The following ST6GALNAC5 variants were observed in gnomAD, a reference collection of about 807,000 sequenced individuals.
The protein encoded by ST6GALNAC5 is alpha-N-acetylgalactosaminide alpha-2,6-sialyltransferase 5.
Under a neutral mutation model 33.6 loss-of-function variants are expected in ST6GALNAC5, and 27 were observed. That is an observed-to-expected ratio of 0.80 (90% CI 0.59 to 1.11). ST6GALNAC5 has a LOEUF of 1.11. Ranked by LOEUF, ST6GALNAC5 falls within the 50% of genes least tolerant of loss-of-function variation. ST6GALNAC5 has a pLI of 0.00. For synonymous variants in ST6GALNAC5, 194 were observed against 171.2 expected (o/e 1.13, Z -1.04); for missense variants, 428 against 454.0 (o/e 0.94, Z 0.52).
intron 2 of ST6GALNAC5, among the ~76,000 whole-genome samples, chr1:76,952,592 G>A (rs991389245): frequency 3.9e-5 from 6 of 151,956 alleles, no homozygotes; most frequent in African/African-American, 1.5e-4. Context: ...GAGATGATGG[G>A]TATGCCAATT....
intron 2 of ST6GALNAC5, among the ~76,000 whole-genome samples, chr1:76,901,075 A>G: frequency 6.6e-6 from 1 of 152,214 alleles, no homozygotes; most frequent in Non-Finnish European, 1.5e-5. Context: ...TTAAAGATTG[A>G]GAAGATGGAA....
intron 2 of ST6GALNAC5, among the ~76,000 whole-genome samples, chr1:76,991,837 GCGCA>G (rs893221757): frequency 6.1e-5 from 7 of 115,252 alleles, no homozygotes; most frequent in African/African-American, 3.1e-4. Context: ...TCACGCGTGT[GCGCA>G]CACACACACA....
chr1:76,919,578 C>T (rs1157393856), intron 2 of ST6GALNAC5, among the ~76,000 whole-genome samples: 5 of 152,120 alleles, frequency 3.3e-5, no homozygotes, highest in African/African-American at 7.2e-5. Context: ...AGCATATATC[C>T]GATAGTCTCA....
intron 2 of ST6GALNAC5, among the ~76,000 whole-genome samples, chr1:76,945,169 G>C (rs1557732425): frequency 6.6e-6 from 1 of 151,960 alleles, no homozygotes. Flanking sequence ...CCTAACAAAA[G>C]GCATCTAGAG....
chr1:77,020,676 C>T (rs531109423), intron 2 of ST6GALNAC5, among the ~76,000 whole-genome samples: 28 of 152,358 alleles, frequency 1.8e-4, no homozygotes, highest in African/African-American at 6.5e-4. Context: ...GCTGGGATTA[C>T]AGGCCTGAGC....
At chr1:76,981,445 C>A (rs1226666118) in intron 2 of ST6GALNAC5, among the ~76,000 whole-genome samples, 1 of 152,128 alleles carries the variant, frequency 6.6e-6, no homozygotes, top group African/African-American at 2.4e-5. Context: ...GAGGGGCATC[C>A]AACATTGCTG....
chr1:76,959,998 GC>G (rs1648162700), intron 2 of ST6GALNAC5, among the ~76,000 whole-genome samples: 1 of 152,166 alleles, frequency 6.6e-6, no homozygotes, highest in Non-Finnish European at 1.5e-5. Flanking sequence ...GAAGTATTAT[GC>G]AGCCTCTATG....
At chr1:76,927,475 T>C (rs1365278092) in intron 2 of ST6GALNAC5, among the ~76,000 whole-genome samples, 8 of 152,042 alleles carry the variant, frequency 5.3e-5, no homozygotes, top group Non-Finnish European at 1.2e-4. Flanking sequence ...TTTATCACTA[T>C]TGGGAAAGGG....
intron 2 of ST6GALNAC5, among the ~76,000 whole-genome samples, chr1:76,888,938 T>C (rs1192155298): frequency 6.6e-6 from 1 of 152,108 alleles, no homozygotes; most frequent in Non-Finnish European, 1.5e-5. Context: ...AAATCTACTC[T>C]GTTAGCAATT....
intron 2 of ST6GALNAC5, among the ~76,000 whole-genome samples, chr1:77,017,650 C>G (rs1015600677): frequency 6.6e-6 from 1 of 152,202 alleles, no homozygotes; most frequent in Non-Finnish European, 1.5e-5. Flanking sequence ...GCTGTTGACA[C>G]GTTACTAATA....
chr1:77,003,992 G>A (rs765374064), intron 2 of ST6GALNAC5, among the ~76,000 whole-genome samples: 2,434 of 90,852 alleles, frequency 0.027, 126 homozygotes, highest in Middle Eastern at 0.037. Context: ...TTCTCGAGGA[G>A]TATCTTTGTG....
At position 76,868,919 on chromosome 1, in the gene ST6GALNAC5, G is replaced by A; in HGVS notation, c.261+177G>A. ...CCAACTTGGTATGAATTCTTATTTG[G>A]AGAAAGACACAAAGTTTTGTAGAAA... On this transcript the variant is annotated intron_variant, in intron 2 of 4. Transcript: ENST00000477717. The surrounding 1 kb of genome is among the most constrained non-coding windows in gnomAD (Gnocchi z 4.3). The A allele has an allele frequency of 1.9e-6, 2 of 1,062,686 alleles. No homozygotes were observed. Among genetic ancestry groups the A allele is most frequent in the Non-Finnish European group, 2.6e-6 (2 of 781,378 alleles). The allele number at this position is 1,062,686 out of a possible 1,614,324, so 65.8% of individuals were successfully genotyped here.
At chr1:76,929,520 TA>T (rs1647117241) in intron 2 of ST6GALNAC5, among the ~76,000 whole-genome samples, 3 of 151,956 alleles carry the variant, frequency 2.0e-5, no homozygotes, top group Admixed American at 2.0e-4. Flanking sequence ...GCCTGGGCAA[TA>T]AAGTGAGACC....
At chr1:76,903,724 A>G (rs1406494470) in intron 2 of ST6GALNAC5, among the ~76,000 whole-genome samples, 1 of 152,244 alleles carries the variant, frequency 6.6e-6, no homozygotes, top group Non-Finnish European at 1.5e-5. Flanking sequence ...ATAAGAAGCA[A>G]TGAAAATACA....
chr1:76,896,111 GA>G (rs1422855708), intron 2 of ST6GALNAC5, among the ~76,000 whole-genome samples: 5 of 152,174 alleles, frequency 3.3e-5, no homozygotes, highest in African/African-American at 1.2e-4. Flanking sequence ...AATAAAGGCT[GA>G]TCTGTTATCA....
intron 2 of ST6GALNAC5, among the ~76,000 whole-genome samples, chr1:76,951,200 G>T (rs1647729021): frequency 6.6e-6 from 1 of 152,082 alleles, no homozygotes; most frequent in Admixed American, 6.6e-5. Flanking sequence ...CTGAAAGATG[G>T]CAGCTTCAAA....
intron 2 of ST6GALNAC5, among the ~76,000 whole-genome samples, chr1:76,976,720 T>C (rs1649027298): frequency 6.6e-6 from 1 of 152,204 alleles, no homozygotes. Context: ...TACGATCTTT[T>C]AATTTCCTCT....
intron 2 of ST6GALNAC5, among the ~76,000 whole-genome samples, chr1:77,000,882 T>C (rs1650126757): frequency 6.6e-6 from 1 of 152,162 alleles, no homozygotes; most frequent in South Asian, 2.1e-4. Flanking sequence ...CCATGCTGTT[T>C]TGGTTACTGT....
chr1:76,892,048 G>A (rs1002764758), intron 2 of ST6GALNAC5, among the ~76,000 whole-genome samples: 28 of 152,140 alleles, frequency 1.8e-4, no homozygotes, highest in African/African-American at 6.0e-4. Context: ...CTGTGCAGCC[G>A]AGAATTTATT....
Sources: gnomAD v4.1 joint callset for allele counts (sites outside exome capture counted in the v4.1 genomes callset) on GRCh38, gnomAD v4.1.1 for gene constraint, Gnocchi (gnomAD v3.1) non-coding constraint, MANE v1.5 for transcripts, NCBI Gene and HGNC (gene_info 2026-07-23, HGNC 2026-07-21) for gene names.